The following SMPD3 variants were observed in gnomAD, a reference collection of about 807,000 sequenced individuals.
SMPD3 encodes the protein nSMase-2.
Under a neutral mutation model 55.7 loss-of-function variants are expected in SMPD3, and 21 were observed. That is an observed-to-expected ratio of 0.38 (90% CI 0.27 to 0.54). The LOEUF (loss-of-function observed/expected upper bound fraction) is 0.54. Among genes scored for constraint, SMPD3 ranks in the 20% least tolerant of loss-of-function variants. The probability of loss-of-function intolerance (pLI) is 0.80; values close to 1 mark genes in which losing one functional copy is unlikely to be tolerated. For synonymous variants in SMPD3, 457 were observed against 404.3 expected (o/e 1.13, Z -1.56); for missense variants, 842 against 899.6 (o/e 0.94, Z 0.82).
At chr16:68,361,825 G>T in intron 7 of SMPD3, 66 bp from the exon 8 acceptor site, 1 of 1,541,826 alleles carries the variant, frequency 6.5e-7, no homozygotes, top group Non-Finnish European at 8.8e-7. Context: ...CAGGGGCTGT[G>T]TGTGGAGCCA....
chr16:68,379,790 C>T (rs1896474159), intron 2 of SMPD3, among the ~76,000 whole-genome samples: 1 of 152,240 alleles, frequency 6.6e-6, no homozygotes, highest in African/African-American at 2.4e-5. Flanking sequence ...AGAATAGGAA[C>T]AGGCTGTGAG....
chr16:68,425,374 T>C lies in SMPD3; in HGVS notation c.-269+22979A>G, dbSNP rs186629146. On this transcript the variant is annotated intron_variant, in intron 1 of 8. Transcript: ENST00000219334. ...TGAAGGCAGGGGCAAGAGCCCTGCATGCCAAGAGGGTCTCCTCCAGCTGGA... is the reference window on the plus strand; with the variant it reads ...TGAAGGCAGGGGCAAGAGCCCTGCACGCCAAGAGGGTCTCCTCCAGCTGGA... 2.6e-3 allele frequency among the ~76,000 whole-genome samples: 389 copies of C among 152,314 alleles called. 3 individuals carry two copies. Among genetic ancestry groups the C allele is most frequent in the African/African-American group, 9.2e-3 (382 of 41,570 alleles).
At chr16:68,381,284 A>G (rs1349711809) in intron 2 of SMPD3, among the ~76,000 whole-genome samples, 1 of 152,162 alleles carries the variant, frequency 6.6e-6, no homozygotes, top group Non-Finnish European at 1.5e-5. Context: ...GGCACCATGA[A>G]AGCCCTTGGA....
chr16:68,417,027 A>G (rs1597657439), intron 1 of SMPD3, among the ~76,000 whole-genome samples: 1 of 151,892 alleles, frequency 6.6e-6, no homozygotes. Flanking sequence ...GGGCTGGTGC[A>G]CCCATCCCCT....
chr16:68,389,057 G>A (rs927997556), intron 1 of SMPD3, among the ~76,000 whole-genome samples: 4 of 152,214 alleles, frequency 2.6e-5, no homozygotes, highest in Non-Finnish European at 4.4e-5. Flanking sequence ...CGCACCGGTA[G>A]GAAATGGTGA....
chr16:68,412,990 T>C (rs1047096379), intron 1 of SMPD3, among the ~76,000 whole-genome samples: 4 of 152,264 alleles, frequency 2.6e-5, no homozygotes, highest in African/African-American at 9.6e-5. Flanking sequence ...TGTCATTTTA[T>C]AGAAAAGAAA....
intron 1 of SMPD3, among the ~76,000 whole-genome samples, chr16:68,399,676 C>G (rs146507884): frequency 1.3e-5 from 2 of 152,210 alleles, no homozygotes; most frequent in South Asian, 2.1e-4. Context: ...TCAGACCCCC[C>G]ACTGGCCATT....
Position 68,361,615 on chromosome 16 carries a change from T to A in SMPD3, c.1854A>T (p.Pro618=). The A allele has an allele frequency of 5.0e-6, 8 of 1,608,820 alleles. No individual in the cohort carries two copies. The highest frequency in any genetic ancestry group is 6.8e-6 in the Non-Finnish European group (8 of 1,179,938). ...YMLHAEEGLC[P]DWKAEVEEFS... is the part of the protein sequence containing the mutation. ...CCTCCTGACTCACGGCCTTCCAGTC[T>A]GGGCACAGCCCCTCCTCTGCATGCA... The change falls in exon 8 of 9, where the codon CCA becomes CCT. Residue 618 remains proline, a synonymous_variant. Coordinates refer to ENST00000219334, the MANE Select transcript of SMPD3 (RefSeq NM_018667.4).
intron 1 of SMPD3, among the ~76,000 whole-genome samples, chr16:68,406,903 C>T (rs932456707): frequency 2.0e-5 from 3 of 152,154 alleles, no homozygotes; most frequent in South Asian, 2.1e-4. Flanking sequence ...ATGAAAAATC[C>T]GCTCTCAGCA....
At chr16:68,395,844 G>T (rs2090151840) in intron 1 of SMPD3, among the ~76,000 whole-genome samples, 2 of 152,220 alleles carry the variant, frequency 1.3e-5, no homozygotes, top group Admixed American at 1.3e-4. Flanking sequence ...AATTAAAAAT[G>T]AGGAATATAT....
intron 1 of SMPD3, among the ~76,000 whole-genome samples, chr16:68,422,779 AG>A (rs1442229516): frequency 6.6e-6 from 1 of 152,166 alleles, no homozygotes; most frequent in Non-Finnish European, 1.5e-5. Flanking sequence ...CTGCAGAGAA[AG>A]AGGTGGCGTG....
intron 1 of SMPD3, among the ~76,000 whole-genome samples, chr16:68,444,599 T>C (rs2090595815): frequency 6.6e-6 from 1 of 152,218 alleles, no homozygotes; most frequent in Non-Finnish European, 1.5e-5. Flanking sequence ...TTTGTTTGGC[T>C]TCAGTACAAG....
chr16:68,389,928 A>G (rs2090096206), intron 1 of SMPD3, among the ~76,000 whole-genome samples: 1 of 152,246 alleles, frequency 6.6e-6, no homozygotes, highest in African/African-American at 2.4e-5. Context: ...AAGTGAAAGC[A>G]AGTTCATTAG....
At chr16:68,394,671 T>TG (rs2090139997) in intron 1 of SMPD3, among the ~76,000 whole-genome samples, 1 of 152,280 alleles carries the variant, frequency 6.6e-6, no homozygotes, top group Non-Finnish European at 1.5e-5. Context: ...ACAGCTGCTT[T>TG]GGGCAGGTTC....
intron 1 of SMPD3, among the ~76,000 whole-genome samples, chr16:68,438,013 A>T (rs546799832): frequency 6.6e-6 from 1 of 152,148 alleles, no homozygotes; most frequent in Admixed American, 6.5e-5. Flanking sequence ...CCAAAAAGGG[A>T]TGTGGAATTT....
In SMPD3 at chr16:68,447,672, C is replaced by T. The variant is rs2090621110; in HGVS notation, c.-269+681G>A. ...GATGGGGAGGGGTCTCCCAGCGTTT[C>T]CCTGCCACATTCCAATTCCACCCTT... On this transcript the variant is annotated intron_variant, in intron 1 of 8. Transcript: ENST00000219334. This position sits in a 1 kb window ranked among gnomAD's most constrained non-coding sequence, Gnocchi z 5.1. Among the ~76,000 whole-genome samples, 1 of 151,800 alleles carries T rather than the reference C, an allele frequency of 6.6e-6. No homozygotes were observed. The highest frequency in any genetic ancestry group is 1.5e-5 in the Non-Finnish European group (1 of 67,878).
chr16:68,377,852 G>A (rs117668880), intron 2 of SMPD3, among the ~76,000 whole-genome samples: 2,633 of 152,316 alleles, frequency 0.017, 34 homozygotes, highest in Non-Finnish European at 0.028. Context: ...CTCTGGTGGT[G>A]GGAAAGTGAA....
intron 2 of SMPD3, 49 bp from the exon 3 acceptor site, chr16:68,372,436 T>G (rs1350895626): frequency 3.7e-6 from 2 of 547,812 alleles, no homozygotes; most frequent in Non-Finnish European, 6.6e-6. Context: ...TTCAGGGGAG[T>G]GGGTCAGATA....
chr16:68,412,323 G>A (rs2090308258), intron 1 of SMPD3, among the ~76,000 whole-genome samples: 1 of 152,126 alleles, frequency 6.6e-6, no homozygotes, highest in African/African-American at 2.4e-5. Flanking sequence ...GGAGTGGGCG[G>A]GGAGGAAACC....
Sources: allele counts gnomAD v4.1 joint callset (sites outside exome capture counted in the v4.1 genomes callset), GRCh38; gene constraint gnomAD v4.1.1; non-coding constraint Gnocchi (gnomAD v3.1); transcripts MANE v1.5; gene names NCBI Gene and HGNC (gene_info 2026-07-23, HGNC 2026-07-21).